NXPH1: variants seen among roughly 807,000 people sequenced by gnomAD.
NXPH1 encodes the protein neurexophilin-1.
Under a neutral mutation model 23.7 loss-of-function variants are expected in NXPH1, and 5 were observed. The ratio of observed to expected loss-of-function variants is 0.21; its 90% CI spans 0.11 to 0.44. The LOEUF (loss-of-function observed/expected upper bound fraction) is 0.44, where lower values mean the gene tolerates loss of function less well. Among genes scored for constraint, NXPH1 ranks in the 20% least tolerant of loss-of-function variants. The probability of loss-of-function intolerance (pLI) is 0.99; values close to 1 mark genes in which losing one functional copy is unlikely to be tolerated. For synonymous variants in NXPH1, 144 were observed against 122.2 expected, an observed-to-expected ratio of 1.18 and a Z score of -1.18; for missense variants, 324 against 321.6, an observed-to-expected ratio of 1.01 and a Z score of -0.06.
intron 2 of NXPH1, among the ~76,000 whole-genome samples, chr7:8,560,934 T>G (rs936340158): frequency 1.4e-4 from 21 of 151,650 alleles, no homozygotes; most frequent in African/African-American, 4.6e-4. Flanking sequence ...GCATTTTGGC[T>G]GAGCTTCACC....
chr7:8,649,655 C>T (rs1317542623), intron 2 of NXPH1, among the ~76,000 whole-genome samples: 1 of 152,136 alleles, frequency 6.6e-6, no homozygotes, highest in Non-Finnish European at 1.5e-5. Context: ...TGTTTCTTGT[C>T]TTTGTTGGCT....
intron 2 of NXPH1, among the ~76,000 whole-genome samples, chr7:8,669,093 A>G (rs1296920973): frequency 6.6e-6 from 1 of 152,030 alleles, no homozygotes; most frequent in South Asian, 2.1e-4. Context: ...CCAGCCAATA[A>G]ATTGCTGTGA....
chr7:8,672,758 C>G (rs114063385), intron 2 of NXPH1, among the ~76,000 whole-genome samples: 1 of 152,118 alleles, frequency 6.6e-6, no homozygotes, highest in Non-Finnish European at 1.5e-5. Context: ...GCTGTGGGTC[C>G]GTCCTCCTTT....
At chr7:8,505,598 G>A (rs545839865) in intron 2 of NXPH1, among the ~76,000 whole-genome samples, 1 of 152,172 alleles carries the variant, frequency 6.6e-6, no homozygotes, top group Non-Finnish European at 1.5e-5. Flanking sequence ...GGATATCAGA[G>A]TGTGTACTTA....
chr7:8,658,495 A>T (rs745716874), intron 2 of NXPH1, among the ~76,000 whole-genome samples: 2 of 152,216 alleles, frequency 1.3e-5, no homozygotes, highest in Admixed American at 1.3e-4. Context: ...AACTTGCTTC[A>T]TGTTGATTTG....
At chr7:8,659,626 A>C (rs1820639670) in intron 2 of NXPH1, among the ~76,000 whole-genome samples, 1 of 152,198 alleles carries the variant, frequency 6.6e-6, no homozygotes, top group Non-Finnish European at 1.5e-5. Flanking sequence ...AGATATACCT[A>C]ATGTAAATGA....
chr7:8,522,070 CAT>C (rs1267948229), intron 2 of NXPH1, among the ~76,000 whole-genome samples: 2 of 152,168 alleles, frequency 1.3e-5, no homozygotes, highest in Non-Finnish European at 2.9e-5. Flanking sequence ...AACTCATACA[CAT>C]ATAGGTAGTT....
At chr7:8,624,751 GTTATT>G (rs1819951137) in intron 2 of NXPH1, among the ~76,000 whole-genome samples, 1 of 152,080 alleles carries the variant, frequency 6.6e-6, no homozygotes, top group Non-Finnish European at 1.5e-5. Context: ...GAGTTGAGAG[GTTATT>G]TTAAACTCAG....
chr7:8,702,158 C>T (rs77331865), intron 2 of NXPH1, among the ~76,000 whole-genome samples: 294 of 151,762 alleles, frequency 1.9e-3, no homozygotes, highest in African/African-American at 6.9e-3. Context: ...TCAGCTTTTT[C>T]TGGTGCTTTT....
chr7:8,609,929 C>G lies in NXPH1; in HGVS notation c.55-141079C>G, dbSNP rs114910323. ...ATTTTTCCCATTCAGATTTTCAAAT[C>G]CCTTGGCGAAGAAGGTATTGCATTA... On this transcript the variant is annotated intron_variant, in intron 2 of 2. Coordinates refer to ENST00000405863, the MANE Select transcript of NXPH1 (RefSeq NM_152745.3). Among the ~76,000 whole-genome samples the G allele has an allele frequency of 5.0e-3, 760 of 152,152 alleles. 10 individuals carry two copies. Among genetic ancestry groups the G allele is most frequent in the African/African-American group, 0.017 (714 of 41,506 alleles).
At chr7:8,693,894 T>A (rs1821261082) in intron 2 of NXPH1, among the ~76,000 whole-genome samples, 1 of 152,188 alleles carries the variant, frequency 6.6e-6, no homozygotes, top group Non-Finnish European at 1.5e-5. Flanking sequence ...TCTAAAAGTG[T>A]CCCAGTTTGG....
intron 2 of NXPH1, among the ~76,000 whole-genome samples, chr7:8,507,286 G>C (rs1448044298): frequency 1.3e-5 from 2 of 151,694 alleles, no homozygotes; most frequent in Non-Finnish European, 2.9e-5. Flanking sequence ...GGAACACAAA[G>C]ATGAAGAATT....
At chr7:8,648,310 C>T (rs1820428548) in intron 2 of NXPH1, among the ~76,000 whole-genome samples, 4 of 152,114 alleles carry the variant, frequency 2.6e-5, no homozygotes, top group Admixed American at 2.6e-4. Context: ...CACCCAATCC[C>T]CCCACTACCT....
At chr7:8,462,233 G>A (rs1563317210) in intron 2 of NXPH1, among the ~76,000 whole-genome samples, 1 of 152,206 alleles carries the variant, frequency 6.6e-6, no homozygotes, top group Non-Finnish European at 1.5e-5. Context: ...ATTTTTAGTA[G>A]AGATGGGGTT....
rs1376868557 is a variant in NXPH1 at position 8,710,640 on chromosome 7, G to GGA, written c.55-40368_55-40367insGA. 1.1e-4 allele frequency among the ~76,000 whole-genome samples: 3 copies of GGA among 27,672 alleles called. 1 individual carries two copies. Among genetic ancestry groups the GGA allele is most frequent in the Non-Finnish European group, 1.8e-4 (3 of 16,372 alleles). 18.2% of individuals were successfully genotyped at this position (27,672 alleles called of 152,430 possible). A position where few individuals can be genotyped will look rare whatever the true frequency, so the allele number is the denominator to read the frequency against. ...TTGAACAAAGCATGTCAACTGTTAC[G>GGA]TTTTTTGTTTTTTTTTTTTTTTTTT... On this transcript the variant is annotated intron_variant, in intron 2 of 2. Coordinates refer to ENST00000405863, the MANE Select transcript of NXPH1 (RefSeq NM_152745.3).
intron 2 of NXPH1, among the ~76,000 whole-genome samples, chr7:8,453,462 G>T (rs1191652442): frequency 6.6e-6 from 1 of 152,126 alleles, no homozygotes; most frequent in Non-Finnish European, 1.5e-5. Context: ...GTGGCATTTT[G>T]CAGTGGGGTT....
chr7:8,548,342 G>A (rs537891879), intron 2 of NXPH1, among the ~76,000 whole-genome samples: 1 of 151,562 alleles, frequency 6.6e-6, no homozygotes, highest in East Asian at 2.0e-4. Context: ...TCTGCATGGC[G>A]ACATTTTTTT....
At chr7:8,711,803 T>G (rs1357754197) in intron 2 of NXPH1, among the ~76,000 whole-genome samples, 1 of 152,154 alleles carries the variant, frequency 6.6e-6, no homozygotes, top group Admixed American at 6.5e-5. Flanking sequence ...TCTGAGGAAC[T>G]GAATGCCAGG....
intron 2 of NXPH1, among the ~76,000 whole-genome samples, chr7:8,646,696 T>C (rs990935080): frequency 2.6e-5 from 4 of 152,152 alleles, no homozygotes; most frequent in Non-Finnish European, 5.9e-5. Context: ...AAGGTGATCA[T>C]ATAATTTTTC....
Sources: gnomAD v4.1 joint callset for allele counts (sites outside exome capture counted in the v4.1 genomes callset) on GRCh38, gnomAD v4.1.1 for gene constraint, MANE v1.5 for transcripts, NCBI Gene and HGNC (gene_info 2026-07-23, HGNC 2026-07-21) for gene names.